RABGAP1: variants seen among roughly 807,000 people sequenced by gnomAD.
The protein encoded by RABGAP1 is rab GTPase-activating protein 1.
A neutral mutation model predicts 137.6 loss-of-function variants in RABGAP1; 23 were observed. The ratio of observed to expected loss-of-function variants is 0.17; its 90% CI spans 0.12 to 0.24. The LOEUF (loss-of-function observed/expected upper bound fraction) is 0.24, where lower values mean the gene tolerates loss of function less well. Among genes scored for constraint, RABGAP1 ranks in the 10% least tolerant of loss-of-function variants. RABGAP1 has a pLI of 1.00. For synonymous variants in RABGAP1, 451 were observed against 450.7 expected (o/e 1.00, Z -0.01); for missense variants, 906 against 1,275.8 (o/e 0.71, Z 4.42).
intron 6 of RABGAP1, among the ~76,000 whole-genome samples, chr9:122,993,998 G>A (rs1197773236): frequency 6.6e-6 from 1 of 152,090 alleles, no homozygotes; most frequent in African/African-American, 2.4e-5. Flanking sequence ...TACCATTCAA[G>A]ACACTTCTTT....
chr9:122,978,337 G>T (rs1461048982), intron 2 of RABGAP1, among the ~76,000 whole-genome samples: 1 of 152,102 alleles, frequency 6.6e-6, no homozygotes, highest in Non-Finnish European at 1.5e-5. Flanking sequence ...CCATGTTATT[G>T]TGTGTATTAG....
rs552457119 is a variant in RABGAP1, at chr9:123,051,216, GTTTTTTTTTT to G, written c.1795-14093_1795-14084del. On this transcript the variant is annotated intron_variant, in intron 13 of 25. Transcript: ENST00000373647. ...ACATGTTGTGATTTTATTCACCTTG[GTTTTTTTTTT>G]TTTTTTTTTTTTTTTTTTTTTTTTT... Among the ~76,000 whole-genome samples, 6 of 34,280 alleles carry G rather than the reference GTTTTTTTTTT, an allele frequency of 1.8e-4. 2 individuals are homozygous for G. The highest frequency in any genetic ancestry group is 4.7e-4 in the African/African-American group (4 of 8,592). The allele number at this position is 34,280 out of a possible 152,430, so 22.5% of individuals were successfully genotyped here.
chr9:123,020,825 GTTC>G (rs1292050683), intron 13 of RABGAP1: 8 of 692,026 alleles, frequency 1.2e-5, no homozygotes, highest in African/African-American at 1.9e-5. Context: ...GAAAGGCTTA[GTTC>G]TTCTTAATTC....
intron 2 of RABGAP1, among the ~76,000 whole-genome samples, chr9:122,963,076 G>A (rs1391449137): frequency 2.0e-5 from 3 of 152,064 alleles, no homozygotes; most frequent in East Asian, 3.8e-4. Context: ...AATGCATGAA[G>A]CAAAAACTGA....
At chr9:123,065,300 T>G (rs762653553) in intron 13 of RABGAP1, 48 bp from the exon 14 acceptor site, 5 of 1,359,346 alleles carry the variant, frequency 3.7e-6, no homozygotes, top group Non-Finnish European at 5.2e-6. Flanking sequence ...GAATAAGAGT[T>G]TACATGATTA....
At position 123,056,664 on chromosome 9, in the gene RABGAP1, T is replaced by C. The variant is rs1197198819; in HGVS notation, c.1795-8684T>C. On this transcript the variant is annotated intron_variant, in intron 13 of 25. Coordinates refer to ENST00000373647, the MANE Select transcript of RABGAP1 (RefSeq NM_012197.4). The stretch of plus-strand genomic sequence containing the variant: ...GTTTGTGTCCCTGGGTACTTGAGAT[T>C]AGGGAGTGGTGATGACTCTTAACGA... Among the ~76,000 whole-genome samples, 6 of 151,898 alleles carry C rather than the reference T, an allele frequency of 4.0e-5. 1 individual carries two copies. In the East Asian group the frequency reaches 5.8e-4, roughly 15 times the overall value.
intron 2 of RABGAP1, among the ~76,000 whole-genome samples, chr9:122,974,441 T>TTA (rs1491062816): frequency 1.3e-5 from 1 of 78,462 alleles, no homozygotes; most frequent in African/African-American, 3.8e-5. Context: ...TTTTTTTTTT[T>TTA]AGTTATAATA....
In RABGAP1 at chr9:122,997,219, C is replaced by T. The variant is rs201619041; in HGVS notation, c.1102-40C>T. 7.1e-5 allele frequency: 105 copies of T among 1,477,872 alleles called. No homozygotes were observed. In the African/African-American group the frequency reaches 1.4e-3, roughly 20 times the overall value. The allele number at this position is 1,477,872 out of a possible 1,614,324, so 91.5% of individuals were successfully genotyped here. Reference sequence around the variant, plus strand: ...AGATGGGGGTTAACTGTTGTTCACTCACTGTGGCATTCGGGTTTATTTTTA... The same window carrying T: ...AGATGGGGGTTAACTGTTGTTCACTTACTGTGGCATTCGGGTTTATTTTTA... On this transcript the variant is annotated intron_variant, in intron 8 of 25. Coordinates refer to ENST00000373647, the MANE Select transcript of RABGAP1 (RefSeq NM_012197.4).
At position 122,956,690 on chromosome 9, in the gene RABGAP1, C is replaced by T. The variant is rs142702299; in HGVS notation, c.-49-321C>T. On this transcript the variant is annotated intron_variant, in intron 1 of 25. Coordinates refer to ENST00000373647, the MANE Select transcript of RABGAP1 (RefSeq NM_012197.4). ...AAATTAGAGGGTAGAAAACAGAAGG[C>T]TAATACTTATATATTTTTGGAGGCT... 9.6e-4 allele frequency among the ~76,000 whole-genome samples: 145 copies of T among 151,028 alleles called. 2 individuals carry two copies. In the East Asian group the frequency reaches 0.019, roughly 20 times the overall value.
chr9:123,028,791 A>T (rs1325068972), intron 13 of RABGAP1, among the ~76,000 whole-genome samples: 2 of 152,202 alleles, frequency 1.3e-5, no homozygotes, highest in African/African-American at 4.8e-5. Flanking sequence ...TTCAGATCCT[A>T]GTTCTGCTGT....
At chr9:123,093,601 T>G (rs1323701086) in intron 21 of RABGAP1, among the ~76,000 whole-genome samples, 1 of 152,206 alleles carries the variant, frequency 6.6e-6, no homozygotes, top group Non-Finnish European at 1.5e-5. Flanking sequence ...CTTGGCCCCT[T>G]TATTAAAAAT....
chr9:122,957,690 A>T (rs1489635616), intron 2 of RABGAP1, among the ~76,000 whole-genome samples: 2 of 152,172 alleles, frequency 1.3e-5, no homozygotes, highest in Non-Finnish European at 2.9e-5. Context: ...ATTGATATAA[A>T]TAAAAACAGA....
chr9:123,014,131 G>A (rs1181294169), intron 11 of RABGAP1, among the ~76,000 whole-genome samples: 1 of 152,182 alleles, frequency 6.6e-6, no homozygotes, highest in Non-Finnish European at 1.5e-5. Flanking sequence ...GTAGCAAAAA[G>A]TTAAAAACTC....
chr9:122,962,122 A>G (rs1216510335), intron 2 of RABGAP1, among the ~76,000 whole-genome samples: 1 of 152,118 alleles, frequency 6.6e-6, no homozygotes, highest in East Asian at 1.9e-4. Flanking sequence ...GGGGGAAGGG[A>G]ATAGAGCTAT....
chr9:123,099,450 G>T lies in RABGAP1; in HGVS notation c.2818-28G>T, dbSNP rs532720271. On this transcript the variant is annotated intron_variant, in intron 23 of 25. Transcript: ENST00000373647. ...TGCAGATGATTACAATTGCTCAAGA[G>T]ATTGTTGTTTTATATTTGTTTCTTT... is the stretch of plus-strand genomic sequence containing the variant. 17 of 1,568,382 alleles carry T rather than the reference G, an allele frequency of 1.1e-5. No individual in the cohort carries two copies. The East Asian group carries it at 2.9e-4, about 27-fold the overall frequency.
At chr9:123,010,767 C>A (rs1054878659) in intron 11 of RABGAP1, among the ~76,000 whole-genome samples, 3 of 152,112 alleles carry the variant, frequency 2.0e-5, no homozygotes, top group African/African-American at 7.2e-5. Flanking sequence ...TCCTTTTAAA[C>A]AATCAGTGTA....
chr9:123,086,315 A>G (rs1465475951), intron 19 of RABGAP1, among the ~76,000 whole-genome samples: 1 of 152,202 alleles, frequency 6.6e-6, no homozygotes, highest in African/African-American at 2.4e-5. Flanking sequence ...AATGCAAGGA[A>G]AAGAGAGTCC....
Position 123,070,565 on chromosome 9 carries a change from C to A in RABGAP1, c.1983+141C>A. On this transcript the variant is annotated intron_variant, in intron 15 of 25. Coordinates refer to ENST00000373647, the MANE Select transcript of RABGAP1 (RefSeq NM_012197.4). The surrounding 1 kb of genome is among the most constrained non-coding windows in gnomAD (Gnocchi z 4.4). Reference sequence around the variant, plus strand: ...TAACACCTATAGCTGGAAACTTTTTCCTTAAATTAACTTAATGTCATTGTG... The same window carrying A: ...TAACACCTATAGCTGGAAACTTTTTACTTAAATTAACTTAATGTCATTGTG... 1 of 1,424,876 alleles carries A rather than the reference C, an allele frequency of 7.0e-7. No individual in the cohort carries two copies. The highest frequency in any genetic ancestry group is 1.6e-5 in the South Asian group (1 of 61,198). 88.3% of individuals were successfully genotyped at this position (1,424,876 alleles called of 1,614,324 possible).
chr9:122,976,527 A>G lies in RABGAP1; in HGVS notation c.151-7958A>G, dbSNP rs187395371. Among the ~76,000 whole-genome samples, 9 of 152,336 alleles carry G rather than the reference A, an allele frequency of 5.9e-5. No individual in the cohort carries two copies. The East Asian group carries it at 1.7e-3, about 29-fold the overall frequency. ...TTTGTATTTTAGTAGATAAAGCTAAAGTCATTCAGATTTCCTTTCTATAAT... is the reference window on the plus strand; with the variant it reads ...TTTGTATTTTAGTAGATAAAGCTAAGGTCATTCAGATTTCCTTTCTATAAT... On this transcript the variant is annotated intron_variant, in intron 2 of 25. Coordinates refer to ENST00000373647, the MANE Select transcript of RABGAP1 (RefSeq NM_012197.4).
Sources: gnomAD v4.1 joint callset for allele counts (sites outside exome capture counted in the v4.1 genomes callset) on GRCh38, gnomAD v4.1.1 for gene constraint, Gnocchi (gnomAD v3.1) non-coding constraint, MANE v1.5 for transcripts, NCBI Gene and HGNC (gene_info 2026-07-23, HGNC 2026-07-21) for gene names.